The following STIMATE variants were observed in gnomAD, a reference collection of about 807,000 sequenced individuals.
STIMATE encodes the protein STIM activating enhancer.
A neutral mutation model predicts 36.7 loss-of-function variants in STIMATE; 15 were observed. The observed-to-expected ratio is 0.41, with a 90% CI of 0.27 to 0.63. The LOEUF is 0.63. STIMATE is among the 20% of genes least tolerant of loss of function. The pLI is 0.32. For synonymous variants in STIMATE, 163 were observed against 162.3 expected, an observed-to-expected ratio of 1.00 and a Z score of -0.03; for missense variants, 305 against 397.3, an observed-to-expected ratio of 0.77 and a Z score of 1.98.
At chr3:52,891,256 G>A (rs960030623) in intron 1 of STIMATE, among the ~76,000 whole-genome samples, 1 of 152,128 alleles carries the variant, frequency 6.6e-6, no homozygotes, top group East Asian at 1.9e-4. Context: ...GGGTCCCAGG[G>A]ACCCGGCTTA....
At chr3:52,846,591 T>C (rs1700907980) in intron 4 of STIMATE, 1 of 152,214 alleles carries the variant, frequency 6.6e-6, no homozygotes, top group African/African-American at 2.4e-5. Context: ...AGGAAAATGC[T>C]TTTCCTCCCA....
rs1700741021 is a variant in STIMATE, at chr3:52,838,415, A to T, written c.*2079T>A. 1 of 152,240 alleles carries T rather than the reference A, an allele frequency of 6.6e-6. No individual in the cohort carries two copies. The highest frequency in any genetic ancestry group is 1.5e-5 in the Non-Finnish European group (1 of 68,052). The allele number at this position is 152,240 out of a possible 1,614,324, so 9.4% of individuals were successfully genotyped here. On this transcript the variant is annotated 3_prime_UTR_variant, in exon 8 of 8. Transcript: ENST00000355083. ...GGCACAGGTTGTTCAAACCAAAATG[A>T]AACAGGAGGGGAGGAATTAGAACTG...
rs1214960938 is a variant in STIMATE at position 52,840,476 on chromosome 3, C to A, written c.*18G>T. On this transcript the variant is annotated 3_prime_UTR_variant, in exon 8 of 8. Coordinates refer to ENST00000355083, the MANE Select transcript of STIMATE (RefSeq NM_198563.5). The stretch of plus-strand genomic sequence containing the variant: ...GCGGCTGGCGGGGCCCTCCCGTCAC[C>A]CCCAGCATGGGAATGTGTCATACGG... 1.2e-6 allele frequency: 2 copies of A among 1,613,076 alleles called. No individual in the cohort carries two copies. The highest frequency in any genetic ancestry group is 2.2e-5 in the South Asian group (2 of 90,982).
chr3:52,854,325 A>G, intron 2 of STIMATE, among the ~76,000 whole-genome samples: 1 of 152,138 alleles, frequency 6.6e-6, no homozygotes, highest in East Asian at 1.9e-4. Context: ...CAAAAGGACC[A>G]AGTCATGATC....
intron 1 of STIMATE, among the ~76,000 whole-genome samples, chr3:52,876,574 G>T (rs72959478): frequency 0.03 from 4,498 of 152,152 alleles, 259 homozygotes; most frequent in African/African-American, 0.1. Context: ...CCTCCTCCTC[G>T]GCTTTCAATT....
chr3:52,857,767 TAG>T (rs1158740455), intron 1 of STIMATE, among the ~76,000 whole-genome samples: 9 of 150,176 alleles, frequency 6.0e-5, no homozygotes, highest in African/African-American at 1.5e-4. Context: ...TTATTATATA[TAG>T]AGAGAGAGAG....
chr3:52,857,116 C>T (rs1179922538), intron 1 of STIMATE, among the ~76,000 whole-genome samples: 1 of 152,126 alleles, frequency 6.6e-6, no homozygotes, highest in East Asian at 1.9e-4. Flanking sequence ...AAAATGGTAG[C>T]CAAGACAGTA....
chr3:52,885,685 T>C (rs1701678933), intron 1 of STIMATE, among the ~76,000 whole-genome samples: 1 of 152,232 alleles, frequency 6.6e-6, no homozygotes, highest in African/African-American at 2.4e-5. Context: ...GCATAGCTCT[T>C]TTTCCTCTGT....
chr3:52,897,343 G>C lies in STIMATE; in HGVS notation c.108C>G (p.Phe36Leu). 1 of 1,545,946 alleles carries C rather than the reference G, an allele frequency of 6.5e-7. No individual in the cohort carries two copies. The highest frequency in any genetic ancestry group is 8.7e-7 in the Non-Finnish European group (1 of 1,153,578). Reference protein sequence around the residue: ...RCESGALMHSFGIFLQGLLGV... With the variant: ...RCESGALMHSLGIFLQGLLGV... Reference sequence around the variant, plus strand: ...CGAGCAGCCCCTGCAGGAAGATGCCGAAGCTGTGCATGAGCGCGCCGCTCT... The same window carrying C: ...CGAGCAGCCCCTGCAGGAAGATGCCCAAGCTGTGCATGAGCGCGCCGCTCT... The change falls in exon 1 of 8, where the codon TTC (phenylalanine) becomes TTG (leucine). Residue 36 changes from phenylalanine (F) to leucine (L), a missense_variant. By Grantham distance (22) the Phe-to-Leu change is conservative (BLOSUM62 0). This residue lies in a region of STIMATE where 164 missense variants were observed against 257.9 expected (regional missense o/e 0.64). Transcript: ENST00000355083.
chr3:52,896,268 T>A (rs1034014143), intron 1 of STIMATE, among the ~76,000 whole-genome samples: 4 of 152,194 alleles, frequency 2.6e-5, no homozygotes, highest in Admixed American at 6.5e-5. Context: ...GCAGGAACTC[T>A]CCACTCTGTC....
At chr3:52,856,026 G>A (rs1295856247) in intron 1 of STIMATE, among the ~76,000 whole-genome samples, 1 of 152,200 alleles carries the variant, frequency 6.6e-6, no homozygotes, top group Non-Finnish European at 1.5e-5. Flanking sequence ...ATCTTCCAGT[G>A]AAGAAGAGAC....
Position 52,836,925 on chromosome 3 carries a change from C to G in STIMATE, c.*3569G>C, listed in dbSNP as rs1294698510. 2 of 177,974 alleles carry G rather than the reference C, an allele frequency of 1.1e-5. No individual in the cohort carries two copies. Among genetic ancestry groups the G allele is most frequent in the Non-Finnish European group, 2.4e-5 (2 of 82,798 alleles). 11.0% of individuals were successfully genotyped at this position (177,974 alleles called of 1,614,324 possible). On this transcript the variant is annotated 3_prime_UTR_variant, in exon 8 of 8. Coordinates refer to ENST00000355083, the MANE Select transcript of STIMATE (RefSeq NM_198563.5). ...TTGCATAGGTCTGACTTCTAACAAA[C>G]TTCAGGAAAAGAAAAATCAAATTTA...
chr3:52,847,361 T>C (rs1700925516), intron 4 of STIMATE: 4 of 1,228,896 alleles, frequency 3.3e-6, no homozygotes, highest in Non-Finnish European at 4.2e-6. Flanking sequence ...AGGGAGAGTT[T>C]GGCCAGGGAT....
intron 6 of STIMATE, 35 bp from the exon 7 acceptor site, chr3:52,842,995 A>G: frequency 1.2e-6 from 2 of 1,613,562 alleles, no homozygotes; most frequent in South Asian, 2.2e-5. Flanking sequence ...ACTTTGGGAT[A>G]AACCATTTTT....
chr3:52,854,676 G>C (rs1701063731), intron 2 of STIMATE, among the ~76,000 whole-genome samples: 1 of 152,218 alleles, frequency 6.6e-6, no homozygotes, highest in Admixed American at 6.5e-5. Flanking sequence ...GGAAGTGGGG[G>C]TTGTGGGAAC....
chr3:52,874,635 C>T (rs902526126), intron 1 of STIMATE, among the ~76,000 whole-genome samples: 10 of 152,092 alleles, frequency 6.6e-5, no homozygotes, highest in Non-Finnish European at 8.8e-5. Flanking sequence ...CTGAGCCGGG[C>T]GGATCACTTG....
chr3:52,888,585 G>C (rs1701731525), intron 1 of STIMATE, among the ~76,000 whole-genome samples: 1 of 152,158 alleles, frequency 6.6e-6, no homozygotes. Context: ...TAAATGCACT[G>C]TTACTACCTC....
intron 1 of STIMATE, among the ~76,000 whole-genome samples, chr3:52,891,336 T>C (rs1701779223): frequency 6.6e-6 from 1 of 152,182 alleles, no homozygotes; most frequent in Non-Finnish European, 1.5e-5. Flanking sequence ...CGACCGCTTC[T>C]GTACAGGGTT....
intron 1 of STIMATE, among the ~76,000 whole-genome samples, chr3:52,881,106 G>A (rs1267676139): frequency 2.6e-5 from 4 of 151,728 alleles, no homozygotes; most frequent in Non-Finnish European, 5.9e-5. Flanking sequence ...AGAATCACTT[G>A]AACCCAGGAG....
Sources: allele counts gnomAD v4.1 joint callset (sites outside exome capture counted in the v4.1 genomes callset), GRCh38; gene constraint gnomAD v4.1.1; regional missense constraint gnomAD v4.1.1; transcripts MANE v1.5; gene names NCBI Gene and HGNC (gene_info 2026-07-23, HGNC 2026-07-21).